COPS7B: variants seen among roughly 807,000 people sequenced by gnomAD.
The protein encoded by COPS7B is COP9 signalosome subunit 7B.
Under a neutral mutation model 33.4 loss-of-function variants are expected in COPS7B, and 9 were observed. That is an observed-to-expected ratio of 0.27 (90% confidence interval 0.16 to 0.47). COPS7B has a LOEUF of 0.47. COPS7B is among the 20% of genes least tolerant of loss of function. The probability of loss-of-function intolerance (pLI) is 0.99; values close to 1 mark genes in which losing one functional copy is unlikely to be tolerated. For missense variants in COPS7B, 242 were observed against 318.2 expected, an observed-to-expected ratio of 0.76 and a Z score of 1.82; for synonymous variants, 119 against 126.3, an observed-to-expected ratio of 0.94 and a Z score of 0.39.
chr2:231,791,946 G>A lies in COPS7B; in HGVS notation c.238+138G>A, dbSNP rs2049429046. The stretch of plus-strand genomic sequence containing the variant: ...GCTGCCTCCCATTTTGCTGTGCCCG[G>A]TGGGTGACCTCACAAAGGGAATGTT... On this transcript the variant is annotated intron_variant, in intron 3 of 6. Coordinates refer to ENST00000350033, the MANE Select transcript of COPS7B (RefSeq NM_022730.4). 12 of 755,702 alleles carry A rather than the reference G, an allele frequency of 1.6e-5. No individual in the cohort carries two copies. In the South Asian group the frequency reaches 1.7e-4, roughly 11 times the overall value. The allele number at this position is 755,702 out of a possible 1,614,324, so 46.8% of individuals were successfully genotyped here.
chr2:231,798,628 A>G (rs540688494), intron 5 of COPS7B, among the ~76,000 whole-genome samples: 1 of 152,334 alleles, frequency 6.6e-6, no homozygotes, highest in South Asian at 2.1e-4. Flanking sequence ...TTAAAGCTGT[A>G]TTCTAAGAAA....
chr2:231,789,586 A>G (rs1239362015), intron 2 of COPS7B: 1 of 150,336 alleles, frequency 6.7e-6, no homozygotes, highest in Non-Finnish European at 1.5e-5. Flanking sequence ...GGGTGATGGT[A>G]CTTCTTGTGG....
rs1028164283 is a variant in COPS7B, at chr2:231,808,296, C to T, written c.*651C>T. 2.6e-6 allele frequency: 1 copy of T among 385,398 alleles called. No individual in the cohort carries two copies. The highest frequency in any genetic ancestry group is 2.1e-5 in the African/African-American group (1 of 47,006). 23.9% of individuals were successfully genotyped at this position (385,398 alleles called of 1,614,324 possible). ...CGCTGGGTTGACTAACCTCTGGTAT[C>T]TGAGCACAGACAGAGGGTGCTGTGG... On this transcript the variant is annotated 3_prime_UTR_variant, in exon 7 of 7. Transcript: ENST00000350033.
intron 1 of COPS7B, 118 bp downstream of exon 1, chr2:231,786,656 TG>T: frequency 8.8e-6 from 3 of 339,226 alleles, no homozygotes; most frequent in Non-Finnish European, 1.3e-5. Context: ...GCCCCCGCCT[TG>T]GGGAGCGCGT....
At chr2:231,802,353 T>G (rs573046330) in intron 6 of COPS7B, among the ~76,000 whole-genome samples, 2 of 152,348 alleles carry the variant, frequency 1.3e-5, no homozygotes, top group East Asian at 3.9e-4. Flanking sequence ...ACTTTTCCAG[T>G]TGTGCACTGT....
At chr2:231,792,821 A>G (rs969433018) in intron 3 of COPS7B, among the ~76,000 whole-genome samples, 1 of 151,884 alleles carries the variant, frequency 6.6e-6, no homozygotes, top group African/African-American at 2.4e-5. Flanking sequence ...TGGCTTTCCT[A>G]CCCTTTTTTA....
At chr2:231,795,373 T>C (rs1180130282) in intron 4 of COPS7B, among the ~76,000 whole-genome samples, 2 of 152,204 alleles carry the variant, frequency 1.3e-5, no homozygotes, top group Non-Finnish European at 2.9e-5. Flanking sequence ...TTTTTGTTCT[T>C]GGATTGCAAT....
At chr2:231,802,871 A>G (rs2049786979) in intron 6 of COPS7B, among the ~76,000 whole-genome samples, 1 of 152,152 alleles carries the variant, frequency 6.6e-6, no homozygotes, top group African/African-American at 2.4e-5. Context: ...GCAGTGGTAA[A>G]GCTGACTTGA....
At chr2:231,788,336 A>G (rs994735241) in intron 1 of COPS7B, among the ~76,000 whole-genome samples, 1 of 152,044 alleles carries the variant, frequency 6.6e-6, no homozygotes, top group African/African-American at 2.4e-5. Flanking sequence ...GGGTTTTGCC[A>G]TGTTGCCCAT....
chr2:231,808,668 A>G lies in COPS7B; in HGVS notation c.*1023A>G, dbSNP rs1233945140. ...TTGAACAGTTTCAGGTTATATTTTA[A>G]TTTTTTTTTTTTTGTACAGGTTCTG... On this transcript the variant is annotated 3_prime_UTR_variant, in exon 7 of 7. Coordinates refer to ENST00000350033, the MANE Select transcript of COPS7B (RefSeq NM_022730.4). 1 of 260,492 alleles carries G rather than the reference A, an allele frequency of 3.8e-6. No individual in the cohort carries two copies. The highest frequency in any genetic ancestry group is 3.5e-5 in the South Asian group (1 of 28,208). 16.1% of individuals were successfully genotyped at this position (260,492 alleles called of 1,614,324 possible).
At chr2:231,807,104 T>G (rs2049916137) in intron 6 of COPS7B, among the ~76,000 whole-genome samples, 1 of 152,238 alleles carries the variant, frequency 6.6e-6, no homozygotes, top group African/African-American at 2.4e-5. Context: ...AGAAGGTTCA[T>G]GGAGCTGTAT....
chr2:231,795,357 T>A (rs1438684675), intron 4 of COPS7B, among the ~76,000 whole-genome samples: 1 of 152,178 alleles, frequency 6.6e-6, no homozygotes, highest in Non-Finnish European at 1.5e-5. Flanking sequence ...GCCACTGCAC[T>A]TGGTTTTTTT....
Position 231,788,707 on chromosome 2 carries a change from T to C in COPS7B, c.137T>C (p.Leu46Pro). ...CCCGGAGTGTATGTCTTTGGAGAAC[T>C]TCTGGAGCTGGCCAACGTGCAGGAG... is the stretch of plus-strand genomic sequence containing the variant. ...EAPGVYVFGE[L>P]LELANVQELA... The change falls in exon 2 of 7, where the codon CTT becomes CCT. Residue 46 changes from leucine to proline, a missense_variant. By Grantham distance (98) the Leu-to-Pro change is moderately conservative (BLOSUM62 -3). Coordinates refer to ENST00000350033, the MANE Select transcript of COPS7B (RefSeq NM_022730.4). The C allele has an allele frequency of 6.2e-7, 1 of 1,614,120 alleles. No individual in the cohort carries two copies. The highest frequency in any genetic ancestry group is 8.5e-7 in the Non-Finnish European group (1 of 1,180,020).
rs1559382976 is a variant in COPS7B, at chr2:231,808,259, A to G, written c.*614A>G. 1 of 358,810 alleles carries G rather than the reference A, an allele frequency of 2.8e-6. No homozygotes were observed. The highest frequency in any genetic ancestry group is 5.7e-6 in the Non-Finnish European group (1 of 175,678). The allele number at this position is 358,810 out of a possible 1,614,324, so 22.2% of individuals were successfully genotyped here. A position where few individuals can be genotyped will look rare whatever the true frequency, so the allele number is the denominator to read the frequency against. On this transcript the variant is annotated 3_prime_UTR_variant, in exon 7 of 7. Coordinates refer to ENST00000350033, the MANE Select transcript of COPS7B (RefSeq NM_022730.4). ...CTCTTAAGCCCAGCTCCGATCTCCA[A>G]TTAGTTGAGAGCGCTGGGTTGACTA...
chr2:231,791,925 C>T (rs1167896672), intron 3 of COPS7B, 117 bp downstream of exon 3: 2 of 909,368 alleles, frequency 2.2e-6, no homozygotes, highest in Non-Finnish European at 3.6e-6. Flanking sequence ...GACCTGGCTG[C>T]CTCCCATTTT....
At chr2:231,807,013 T>C (rs970777890) in intron 6 of COPS7B, among the ~76,000 whole-genome samples, 1 of 152,262 alleles carries the variant, frequency 6.6e-6, no homozygotes, top group African/African-American at 2.4e-5. Context: ...GGTAGTGTCA[T>C]AGCATTTTGC....
chr2:231,783,668 C>T (rs1483188348), upstream of COPS7B, among the ~76,000 whole-genome samples: 1 of 152,070 alleles, frequency 6.6e-6, no homozygotes, highest in African/African-American at 2.4e-5. Flanking sequence ...ATATGCTTTG[C>T]AGATATCTTT....
At position 231,807,577 on chromosome 2, in the gene COPS7B, C is replaced by A; in HGVS notation, c.727C>A (p.His243Asn). Residue 243 changes from histidine to asparagine, a missense_variant, in exon 7 of 7, where the codon CAC (histidine) becomes AAC (asparagine). His to Asn is a moderately conservative substitution (Grantham distance 68, BLOSUM62 1). Transcript: ENST00000350033. ...GCTGGCTGAACGGGAGTGTCCCCCTCACGCTGAGCAGAGGCAGCCCACCAA... is the reference window on the plus strand; with the variant it reads ...GCTGGCTGAACGGGAGTGTCCCCCTAACGCTGAGCAGAGGCAGCCCACCAA... ...QQLAERECPP[H>N]AEQRQPTKKM... The A allele has an allele frequency of 1.2e-6, 2 of 1,606,820 alleles. No individual in the cohort carries two copies. The highest frequency in any genetic ancestry group is 2.2e-5 in the East Asian group (1 of 44,750).
intron 2 of COPS7B, chr2:231,788,949 A>G (rs1026856802): frequency 2.1e-6 from 1 of 473,294 alleles, no homozygotes; most frequent in African/African-American, 1.9e-5. Context: ...ATTGTTGCTA[A>G]TAATAACCTA....
Sources: allele counts gnomAD v4.1 joint callset (sites outside exome capture counted in the v4.1 genomes callset), GRCh38; gene constraint gnomAD v4.1.1; transcripts MANE v1.5; gene names NCBI Gene and HGNC (gene_info 2026-07-23, HGNC 2026-07-21).